Variants in ERC1 observed in about 807,000 individuals in gnomAD.
The protein encoded by ERC1 is RAB6 interacting protein 2.
In ERC1, 56 loss-of-function variants were observed where a neutral mutation model predicts 132.0. The ratio of observed to expected loss-of-function variants is 0.42; its 90% CI spans 0.34 to 0.53. ERC1 has a LOEUF of 0.53. ERC1 is among the 20% of genes least tolerant of loss of function. The pLI, the probability that ERC1 is intolerant of heterozygous loss-of-function variation, is 0.03. For missense variants in ERC1, 1,202 were observed against 1,349.9 expected (o/e 0.89, Z 1.72); for synonymous variants, 478 against 476.1 (o/e 1.00, Z -0.05).
intron 16 of ERC1, among the ~76,000 whole-genome samples, chr12:1,374,203 A>G (rs1191435028): frequency 1.3e-5 from 2 of 152,232 alleles, no homozygotes; most frequent in Non-Finnish European, 2.9e-5. Flanking sequence ...GCTATTTCCT[A>G]ACAGGGAAGC....
chr12:1,243,194 AAAAAAAAAAAAAG>A (rs1040034985), intron 13 of ERC1, among the ~76,000 whole-genome samples: 64 of 125,502 alleles, frequency 5.1e-4, no homozygotes, highest in South Asian at 4.3e-3. Flanking sequence ...ACTCCGTCTC[AAAAAAAAAAAAAG>A]AAAAAAAAAA....
At chr12:1,132,707 A>G (rs549170599) in intron 7 of ERC1, among the ~76,000 whole-genome samples, 1 of 42,494 alleles carries the variant, frequency 2.4e-5, no homozygotes, top group South Asian at 2.1e-3. Flanking sequence ...TGTCCCGCAG[A>G]TGGAAAGGCT....
At chr12:1,276,870 TA>T (rs1350079263) in intron 14 of ERC1, among the ~76,000 whole-genome samples, 2 of 152,382 alleles carry the variant, frequency 1.3e-5, no homozygotes, top group Non-Finnish European at 2.9e-5. Context: ...ATCATATTTT[TA>T]TACTTATCTA....
intron 11 of ERC1, among the ~76,000 whole-genome samples, chr12:1,186,547 A>G (rs1955115163): frequency 1.3e-5 from 2 of 152,196 alleles, no homozygotes; most frequent in South Asian, 4.1e-4. Flanking sequence ...TTTTATACAA[A>G]TACTGTTATT....
intron 7 of ERC1, among the ~76,000 whole-genome samples, chr12:1,122,289 ATC>A (rs1314613089): frequency 8.7e-4 from 1 of 1,146 alleles, no homozygotes; most frequent in East Asian, 0.083. Context: ...CTCTATCTCT[ATC>A]TCTATCTCTA....
At chr12:1,164,304 T>G (rs1467725964) in intron 8 of ERC1, among the ~76,000 whole-genome samples, 2 of 138,054 alleles carry the variant, frequency 1.4e-5, no homozygotes, top group African/African-American at 5.5e-5. Flanking sequence ...GTTATTTTAT[T>G]TTATGTTATT....
intron 8 of ERC1, among the ~76,000 whole-genome samples, chr12:1,179,232 G>A (rs2154269573): frequency 6.6e-6 from 1 of 152,250 alleles, no homozygotes; most frequent in South Asian, 2.1e-4. Flanking sequence ...GGTTTTCCAT[G>A]TCTATATGCG....
chr12:1,485,407 A>C (rs534066222), intron 18 of ERC1, among the ~76,000 whole-genome samples: 1 of 148,954 alleles, frequency 6.7e-6, no homozygotes, highest in African/African-American at 2.5e-5. Context: ...GTTTCACCAC[A>C]TTGGCCAGGC....
intron 13 of ERC1, among the ~76,000 whole-genome samples, chr12:1,243,249 G>A (rs1286584915): frequency 6.6e-6 from 1 of 151,476 alleles, no homozygotes; most frequent in Non-Finnish European, 1.5e-5. Flanking sequence ...AAATATATGC[G>A]AAGATGTGCA....
chr12:1,135,857 G>A (rs1027045982), intron 7 of ERC1, among the ~76,000 whole-genome samples: 3 of 152,196 alleles, frequency 2.0e-5, no homozygotes, highest in South Asian at 2.1e-4. Flanking sequence ...AAAGCCACCT[G>A]GTTTGTGGTC....
intron 15 of ERC1, among the ~76,000 whole-genome samples, chr12:1,356,366 G>C (rs1415417966): frequency 6.6e-6 from 1 of 151,876 alleles, no homozygotes; most frequent in Admixed American, 6.6e-5. Context: ...TTTAAAATAT[G>C]CAAAAGTTTA....
At chr12:1,412,430 CA>C in intron 17 of ERC1, among the ~76,000 whole-genome samples, 1 of 152,230 alleles carries the variant, frequency 6.6e-6, no homozygotes, top group South Asian at 2.1e-4. Context: ...GGAGTTAGGC[CA>C]TTTCAGGAGA....
intron 15 of ERC1, among the ~76,000 whole-genome samples, chr12:1,342,468 C>CAAAAAAAAAAAA (rs567114711): frequency 8.8e-6 from 1 of 113,384 alleles, no homozygotes. Flanking sequence ...AACTCTGTCT[C>CAAAAAAAAAAAA]AAAAAAAAAA....
At chr12:1,064,935 C>G (rs1181993456) in intron 2 of ERC1, among the ~76,000 whole-genome samples, 1 of 152,092 alleles carries the variant, frequency 6.6e-6, no homozygotes, top group Non-Finnish European at 1.5e-5. Flanking sequence ...TAATGGTGTC[C>G]CATATGCCAT....
chr12:1,114,798 A>G (rs963070034), intron 6 of ERC1, among the ~76,000 whole-genome samples: 15 of 152,200 alleles, frequency 9.9e-5, no homozygotes, highest in South Asian at 4.1e-4. Context: ...ATGAATAACT[A>G]TATCTCTAAA....
intron 1 of ERC1, among the ~76,000 whole-genome samples, chr12:1,013,766 T>C (rs1965068221): frequency 6.6e-6 from 1 of 152,174 alleles, no homozygotes; most frequent in Admixed American, 6.6e-5. Context: ...CTGTCTTCCT[T>C]TGTCACCCAG....
At chr12:1,298,564 A>T (rs2080158425) in intron 15 of ERC1, among the ~76,000 whole-genome samples, 1 of 150,342 alleles carries the variant, frequency 6.7e-6, no homozygotes, top group African/African-American at 2.4e-5. Context: ...AAACAAACAA[A>T]CAAAGAAAAA....
intron 2 of ERC1, among the ~76,000 whole-genome samples, chr12:1,046,062 CAAAAT>C (rs1280371639): frequency 3.3e-5 from 5 of 151,722 alleles, no homozygotes; most frequent in African/African-American, 1.2e-4. Flanking sequence ...TGCACACTAG[CAAAAT>C]AAAATATAAA....
intron 12 of ERC1, among the ~76,000 whole-genome samples, chr12:1,197,347 A>G (rs1339647277): frequency 2.6e-5 from 4 of 152,164 alleles, no homozygotes; most frequent in Non-Finnish European, 5.9e-5. Context: ...TAGGTAGCAG[A>G]GTCATGCCTA....
Sources: allele counts gnomAD v4.1 joint callset (sites outside exome capture counted in the v4.1 genomes callset), GRCh38; gene constraint gnomAD v4.1.1; transcripts MANE v1.5; gene names NCBI Gene and HGNC (gene_info 2026-07-23, HGNC 2026-07-21).